The following NFIB variants were observed in gnomAD, a reference collection of about 807,000 sequenced individuals.
NFIB encodes nuclear factor 1 B-type.
NFIB carries 11 observed loss-of-function variants against 61.5 expected under a neutral mutation model. The observed-to-expected ratio is 0.18, with a 90% CI of 0.11 to 0.30. NFIB has a LOEUF of 0.30. NFIB is among the 10% of genes least tolerant of loss of function. NFIB has a pLI of 1.00. For synonymous variants in NFIB, 260 were observed against 216.5 expected (o/e 1.20, Z -1.76); for missense variants, 471 against 608.9 (o/e 0.77, Z 2.38).
chr9:14,466,158 T>G, the NFIB span, among the ~76,000 whole-genome samples: 2 of 152,114 alleles, frequency 1.3e-5, no homozygotes, highest in African/African-American at 4.8e-5. Flanking sequence ...CCAGCCTTTA[T>G]GAAGAAAGGA....
chr9:14,315,740 C>T (rs550574970), upstream of NFIB, among the ~76,000 whole-genome samples: 1 of 151,968 alleles, frequency 6.6e-6, no homozygotes, highest in African/African-American at 2.4e-5. Context: ...CTGCACCCCC[C>T]GCCCACATAC....
chr9:14,322,800 T>C (rs2060694955), intron 1 of NFIB, among the ~76,000 whole-genome samples: 2 of 151,004 alleles, frequency 1.3e-5, no homozygotes, highest in Non-Finnish European at 3.0e-5. Context: ...GGTGCGTGGG[T>C]AGCGGTGGGG....
chr9:14,145,246 C>T (rs2042160287), intron 6 of NFIB, among the ~76,000 whole-genome samples: 1 of 152,092 alleles, frequency 6.6e-6, no homozygotes, highest in South Asian at 2.1e-4. Context: ...ATGGCACACA[C>T]AGCCATTCTC....
intron 1 of NFIB, among the ~76,000 whole-genome samples, chr9:14,328,041 C>A (rs1204001817): frequency 6.6e-6 from 1 of 152,226 alleles, no homozygotes; most frequent in Non-Finnish European, 1.5e-5. Flanking sequence ...GGATGATTGA[C>A]AAGCAAATAT....
chr9:14,332,109 G>A (rs961530727), intron 1 of NFIB, among the ~76,000 whole-genome samples: 1 of 152,028 alleles, frequency 6.6e-6, no homozygotes, highest in Non-Finnish European at 1.5e-5. Flanking sequence ...GAAGCTGGTG[G>A]ATCACTTGAA....
intron 1 of NFIB, among the ~76,000 whole-genome samples, chr9:14,310,407 C>T (rs1047220512): frequency 6.6e-6 from 1 of 152,132 alleles, no homozygotes; most frequent in African/African-American, 2.4e-5. Flanking sequence ...TTGAGGTTTG[C>T]TGTAAGTCGC....
chr9:14,418,052 T>G, the NFIB span, among the ~76,000 whole-genome samples: 2 of 152,172 alleles, frequency 1.3e-5, no homozygotes, highest in African/African-American at 2.4e-5. Context: ...GTGTTGGGAT[T>G]ACAGCGCGGT....
chr9:14,220,885 A>ACC (rs1554677625), intron 2 of NFIB, among the ~76,000 whole-genome samples: 200 of 143,130 alleles, frequency 1.4e-3, no homozygotes, highest in African/African-American at 4.5e-3. Flanking sequence ...ACACACACAC[A>ACC]CCACATCCCA....
chr9:14,156,095 C>T (rs1587113845), intron 3 of NFIB, among the ~76,000 whole-genome samples: 1 of 152,110 alleles, frequency 6.6e-6, no homozygotes, highest in East Asian at 1.9e-4. Context: ...ACCAAATAAT[C>T]TCTTAGGAAA....
At chr9:14,227,610 TA>T (rs879507641) in intron 2 of NFIB, among the ~76,000 whole-genome samples, 1 of 152,144 alleles carries the variant, frequency 6.6e-6, no homozygotes, top group South Asian at 2.1e-4. Context: ...ATGGTTTTTT[TA>T]AAAAAAATTT....
intron 1 of NFIB, among the ~76,000 whole-genome samples, chr9:14,346,200 C>A (rs914914448): frequency 1.3e-5 from 2 of 151,390 alleles, no homozygotes; most frequent in South Asian, 4.2e-4. Flanking sequence ...GGAGTCAAGT[C>A]TCCTGATGTT....
intron 1 of NFIB, among the ~76,000 whole-genome samples, chr9:14,345,358 A>G (rs1229199533): frequency 1.3e-5 from 2 of 152,146 alleles, no homozygotes; most frequent in African/African-American, 4.8e-5. Context: ...TCGATTTTCA[A>G]TTCCTCTCTA....
At position 14,232,417 on chromosome 9, in the gene NFIB, G is replaced by C. The variant is rs549979314; in HGVS notation, c.563-52637C>G. Among the ~76,000 whole-genome samples, 36 of 152,296 alleles carry C rather than the reference G, an allele frequency of 2.4e-4. 1 individual carries two copies. Among genetic ancestry groups the C allele is most frequent in the African/African-American group, 6.7e-4 (28 of 41,558 alleles). On this transcript the variant is annotated intron_variant, in intron 2 of 10. Transcript: ENST00000380953. ...TGCAAAACGCACCAAATGCACAGTG[G>C]TCCTGGATTCTTCTAAATCATTTGC...
the NFIB span, among the ~76,000 whole-genome samples, chr9:14,466,087 G>A: frequency 6.6e-6 from 1 of 152,120 alleles, no homozygotes; most frequent in Non-Finnish European, 1.5e-5. Context: ...GCAGAATGCA[G>A]GAAGGAACGA....
the NFIB span, among the ~76,000 whole-genome samples, chr9:14,425,814 C>T: frequency 6.6e-6 from 1 of 151,676 alleles, no homozygotes; most frequent in Non-Finnish European, 1.5e-5. Context: ...AGAGTAGCAC[C>T]TTAATATAAT....
At chr9:14,509,707 C>T in the NFIB span, among the ~76,000 whole-genome samples, 1 of 152,072 alleles carries the variant, frequency 6.6e-6, no homozygotes, top group East Asian at 1.9e-4. Flanking sequence ...ACCATCCCAC[C>T]CCTGAAGCAC....
intron 2 of NFIB, among the ~76,000 whole-genome samples, chr9:14,244,463 T>C (rs1368534196): frequency 6.6e-6 from 1 of 152,202 alleles, no homozygotes; most frequent in African/African-American, 2.4e-5. Context: ...TTCTCATCCA[T>C]GTAAGCAGGA....
chr9:14,411,498 C>A, the NFIB span, among the ~76,000 whole-genome samples: 2 of 152,080 alleles, frequency 1.3e-5, no homozygotes, highest in African/African-American at 2.4e-5. Flanking sequence ...CTGGATGAGC[C>A]CAATATAAGG....
chr9:14,322,721 G>A (rs898572731), intron 1 of NFIB, among the ~76,000 whole-genome samples: 3 of 152,030 alleles, frequency 2.0e-5, no homozygotes, highest in Non-Finnish European at 2.9e-5. Context: ...CCCGGGACCC[G>A]GGAGGCGGGA....
Sources: allele counts gnomAD v4.1 joint callset (sites outside exome capture counted in the v4.1 genomes callset), GRCh38; gene constraint gnomAD v4.1.1; transcripts MANE v1.5; gene names NCBI Gene and HGNC (gene_info 2026-07-23, HGNC 2026-07-21).